The following KIF1B variants were observed in gnomAD, a reference collection of about 807,000 sequenced individuals.
KIF1B encodes the protein kinesin family member 1B, also known as kinesin-like protein KIF1B.
Under a neutral mutation model 241.9 loss-of-function variants are expected in KIF1B, and 76 were observed. The ratio of observed to expected loss-of-function variants is 0.31; its 90% confidence interval spans 0.26 to 0.38. The LOEUF (loss-of-function observed/expected upper bound fraction) is 0.38. KIF1B is among the 10% of genes least tolerant of loss of function. The pLI, the probability that KIF1B is intolerant of heterozygous loss-of-function variation, is 1.00. For missense variants in KIF1B, 1,622 were observed against 2,271.4 expected (o/e 0.71, Z 5.81); for synonymous variants, 750 against 796.7 (o/e 0.94, Z 0.99).
At chr1:10,358,067 G>C (rs957187745) in intron 38 of KIF1B, among the ~76,000 whole-genome samples, 7 of 142,376 alleles carry the variant, frequency 4.9e-5, no homozygotes, top group Non-Finnish European at 9.1e-5. Flanking sequence ...CCTTTGGTGG[G>C]TATTCTAACA....
In KIF1B at chr1:10,227,421, A is replaced by G. The variant is rs114128537; in HGVS notation, c.-79-4829A>G. ...TGATTTATTCTGTAGATTGTTTCAT[A>G]TACTGAATTTGCCTGTTTATATCTT... On this transcript the variant is annotated intron_variant, in intron 1 of 48. Coordinates refer to ENST00000676179, the MANE Select transcript of KIF1B (RefSeq NM_001365951.3). 4.8e-3 allele frequency among the ~76,000 whole-genome samples: 729 copies of G among 152,288 alleles called. 2 individuals are homozygous for G. The highest frequency in any genetic ancestry group is 7.7e-3 in the Non-Finnish European group (522 of 68,014).
intron 5 of KIF1B, among the ~76,000 whole-genome samples, chr1:10,264,379 A>G (rs1648328253): frequency 6.6e-6 from 1 of 152,252 alleles, no homozygotes; most frequent in Admixed American, 6.5e-5. Flanking sequence ...AGTAAAAGAA[A>G]TGATGATGGC....
chr1:10,288,921 C>G (rs1413907853), intron 15 of KIF1B, among the ~76,000 whole-genome samples: 1 of 152,140 alleles, frequency 6.6e-6, no homozygotes. Flanking sequence ...AAACACTAGA[C>G]AACTTAAGGT....
intron 27 of KIF1B, among the ~76,000 whole-genome samples, chr1:10,333,586 G>A (rs191784651): frequency 0.012 from 1,885 of 152,016 alleles, 25 homozygotes; most frequent in Non-Finnish European, 0.022. Context: ...CAGGTACTCG[G>A]GAGGCTGAGG....
intron 2 of KIF1B, among the ~76,000 whole-genome samples, chr1:10,243,761 T>C (rs1647170000): frequency 6.6e-6 from 1 of 152,240 alleles, no homozygotes; most frequent in Non-Finnish European, 1.5e-5. Flanking sequence ...TATGCTTAAT[T>C]TGAATTTAAC....
chr1:10,229,963 C>G (rs1308285024), intron 1 of KIF1B, among the ~76,000 whole-genome samples: 8 of 150,498 alleles, frequency 5.3e-5, no homozygotes, highest in African/African-American at 1.7e-4. Context: ...GAGGCTGAGT[C>G]AGGAGTTTGA....
chr1:10,330,479 T>TAA (rs35575898), intron 27 of KIF1B, among the ~76,000 whole-genome samples: 205 of 145,940 alleles, frequency 1.4e-3, no homozygotes, highest in Non-Finnish European at 2.1e-4. Context: ...AAGCTTTCTT[T>TAA]AAAAAAAAAA....
intron 22 of KIF1B, among the ~76,000 whole-genome samples, chr1:10,302,664 C>T (rs1234234615): frequency 6.6e-6 from 1 of 152,200 alleles, no homozygotes; most frequent in Admixed American, 6.5e-5. Flanking sequence ...GGCATCTGTG[C>T]TCACTCATGG....
At chr1:10,344,078 A>G (rs1318674958) in intron 34 of KIF1B, among the ~76,000 whole-genome samples, 1 of 151,998 alleles carries the variant, frequency 6.6e-6, no homozygotes, top group East Asian at 1.9e-4. Context: ...CCCCATCTTC[A>G]TCTGCCTTCA....
intron 15 of KIF1B, among the ~76,000 whole-genome samples, chr1:10,290,083 T>C (rs889704341): frequency 4.6e-5 from 7 of 152,278 alleles, no homozygotes; most frequent in African/African-American, 1.7e-4. Context: ...CTCTCTCTGG[T>C]ATACAGTAAC....
At chr1:10,216,758 A>G (rs1646771920) in intron 1 of KIF1B, among the ~76,000 whole-genome samples, 1 of 151,854 alleles carries the variant, frequency 6.6e-6, no homozygotes, top group South Asian at 2.1e-4. Flanking sequence ...CTGCCACCTC[A>G]TAGGAAAAAA....
intron 12 of KIF1B, 78 bp from the exon 13 acceptor site, chr1:10,277,906 ATT>A (rs904643194): frequency 3.7e-5 from 46 of 1,259,194 alleles, no homozygotes; most frequent in Non-Finnish European, 5.1e-5. Context: ...AGGATATTTG[ATT>A]TAGAGATAAT....
chr1:10,212,094 T>C (rs1209579557), intron 1 of KIF1B, among the ~76,000 whole-genome samples: 2 of 152,180 alleles, frequency 1.3e-5, no homozygotes, highest in Non-Finnish European at 2.9e-5. Flanking sequence ...CTCTTACTGC[T>C]CTGAGCAGCT....
At position 10,308,647 on chromosome 1, in the gene KIF1B, T is replaced by C. The variant is rs1569789679; in HGVS notation, c.2116-11396T>C. ...AAGAGGGAAAAGGAAAGCAAGGTAATGCTAACTAAACCTGGTTTTGACTTT... is the reference window on the plus strand; with the variant it reads ...AAGAGGGAAAAGGAAAGCAAGGTAACGCTAACTAAACCTGGTTTTGACTTT... On this transcript the variant is annotated intron_variant, in intron 22 of 48. Transcript: ENST00000676179. The C allele has an allele frequency of 3.0e-6, 3 of 1,008,906 alleles. No homozygotes were observed. In the African/African-American group the frequency reaches 5.2e-5, roughly 17 times the overall value. The allele number at this position is 1,008,906 out of a possible 1,614,324, so 62.5% of individuals were successfully genotyped here. A position where few individuals can be genotyped will look rare whatever the true frequency, so the allele number is the denominator to read the frequency against.
At chr1:10,281,047 C>G (rs899928026) in intron 14 of KIF1B, among the ~76,000 whole-genome samples, 1 of 151,988 alleles carries the variant, frequency 6.6e-6, no homozygotes, top group Admixed American at 6.6e-5. Flanking sequence ...TGCTTGTTGC[C>G]CTATGTTCTG....
At chr1:10,253,659 C>T (rs571980809) in intron 2 of KIF1B, among the ~76,000 whole-genome samples, 9 of 152,158 alleles carry the variant, frequency 5.9e-5, no homozygotes, top group African/African-American at 2.2e-4. Flanking sequence ...AAAAAAGGTT[C>T]GTAGACAGAA....
At position 10,376,614 on chromosome 1, in the gene KIF1B, C is replaced by A. The variant is rs757443274; in HGVS notation, c.*27C>A. 6.2e-7 allele frequency: 1 copy of A among 1,607,788 alleles called. No homozygotes were observed. Among genetic ancestry groups the A allele is most frequent in the Non-Finnish European group, 8.5e-7 (1 of 1,174,314 alleles). On this transcript the variant is annotated 3_prime_UTR_variant, in exon 49 of 49. Coordinates refer to ENST00000676179, the MANE Select transcript of KIF1B (RefSeq NM_001365951.3). Reference sequence around the variant, plus strand: ...TGACTCTGCCGAGTGCCCTCACTCGCCTTCGAGAGATAAAGAAAGCGTTAC... The same window carrying A: ...TGACTCTGCCGAGTGCCCTCACTCGACTTCGAGAGATAAAGAAAGCGTTAC...
At chr1:10,304,285 A>G (rs1487820855) in intron 22 of KIF1B, 1 of 1,614,096 alleles carries the variant, frequency 6.2e-7, no homozygotes, top group African/African-American at 1.3e-5. Context: ...CATCCAAGTT[A>G]GCAAGCAGCA....
rs1435107071 is a variant in KIF1B at position 10,304,190 on chromosome 1, A to T, written c.2115+6944A>T. 6.2e-6 allele frequency: 10 copies of T among 1,614,100 alleles called. No homozygotes were observed. The highest frequency in any genetic ancestry group is 7.6e-6 in the Non-Finnish European group (9 of 1,180,034). On this transcript the variant is annotated intron_variant, in intron 22 of 48. Transcript: ENST00000676179. ...GATGAAGCAAGGAAAGGGAATAAAG[A>T]AGAGAGCCAAGAAAAAGGGGGTAAA...
Sources: gnomAD v4.1 joint callset for allele counts (sites outside exome capture counted in the v4.1 genomes callset) on GRCh38, gnomAD v4.1.1 for gene constraint, MANE v1.5 for transcripts, NCBI Gene and HGNC (gene_info 2026-07-23, HGNC 2026-07-21) for gene names.